TSGA10: variants seen among roughly 807,000 people sequenced by gnomAD.
TSGA10 encodes testis-specific gene 10 protein.
TSGA10 carries 43 observed loss-of-function variants against 96.6 expected under a neutral mutation model. That is an observed-to-expected ratio of 0.44 (90% confidence interval 0.35 to 0.57). The LOEUF is 0.57. Among genes scored for constraint, TSGA10 ranks in the 20% least tolerant of loss-of-function variants. TSGA10 has a pLI of 0.01. For missense variants in TSGA10, 703 were observed against 834.4 expected, an observed-to-expected ratio of 0.84 and a Z score of 1.94; for synonymous variants, 229 against 269.9, an observed-to-expected ratio of 0.85 and a Z score of 1.48.
At chr2:99,074,201 A>G (rs2104535927) in intron 12 of TSGA10, among the ~76,000 whole-genome samples, 1 of 151,552 alleles carries the variant, frequency 6.6e-6, no homozygotes, top group South Asian at 2.1e-4. Context: ...CTTAGTAGAG[A>G]CGGGGTTTCA....
chr2:99,020,548 G>A (rs2079904502), intron 17 of TSGA10, 66 bp from the exon 18 acceptor site: 3 of 1,233,986 alleles, frequency 2.4e-6, no homozygotes, highest in Non-Finnish European at 3.4e-6. Context: ...ATATTATCAG[G>A]GACTCACAAA....
intron 2 of TSGA10, among the ~76,000 whole-genome samples, chr2:99,123,147 T>C (rs2092664769): frequency 6.6e-6 from 1 of 152,218 alleles, no homozygotes; most frequent in Admixed American, 6.5e-5. Context: ...GGTGTTCTTC[T>C]ATAGATAATG....
intron 14 of TSGA10, among the ~76,000 whole-genome samples, chr2:99,070,495 TA>T (rs1030235534): frequency 6.6e-6 from 1 of 152,054 alleles, no homozygotes; most frequent in Non-Finnish European, 1.5e-5. Context: ...GTATAGCAAT[TA>T]AAAAAATATG....
At chr2:98,998,509 G>T (rs531626267) in intron 20 of TSGA10, among the ~76,000 whole-genome samples, 8 of 152,198 alleles carry the variant, frequency 5.3e-5, no homozygotes, top group African/African-American at 1.4e-4. Flanking sequence ...ATCTGAAAAG[G>T]TTATCTCAAA....
At chr2:99,015,457 C>A (rs1347965276) in intron 20 of TSGA10, among the ~76,000 whole-genome samples, 2 of 152,046 alleles carry the variant, frequency 1.3e-5, no homozygotes, top group African/African-American at 4.8e-5. Flanking sequence ...ATGGTTAAAA[C>A]CCTCAGCAAA....
chr2:99,033,764 C>T (rs1017596736), intron 17 of TSGA10, among the ~76,000 whole-genome samples: 4 of 151,486 alleles, frequency 2.6e-5, no homozygotes, highest in Non-Finnish European at 4.4e-5. Flanking sequence ...TGTTTGAACC[C>T]GGGAGGCGGA....
chr2:99,106,994 T>C (rs943690054), intron 7 of TSGA10, among the ~76,000 whole-genome samples: 1 of 152,192 alleles, frequency 6.6e-6, no homozygotes. Flanking sequence ...CCACATTTCT[T>C]ACAGTCTGAT....
chr2:99,043,448 A>G (rs2082409927), intron 16 of TSGA10, among the ~76,000 whole-genome samples: 3 of 152,302 alleles, frequency 2.0e-5, no homozygotes, highest in Admixed American at 2.0e-4. Flanking sequence ...AGGAGAGGAT[A>G]TAGAAAGGAC....
At chr2:99,069,799 T>C (rs932176425) in intron 14 of TSGA10, among the ~76,000 whole-genome samples, 3 of 152,110 alleles carry the variant, frequency 2.0e-5, no homozygotes, top group African/African-American at 7.2e-5. Flanking sequence ...CAGTAAATAA[T>C]AGTATATCTA....
intron 2 of TSGA10, chr2:99,125,460 A>G (rs1209716900): frequency 6.6e-6 from 1 of 152,164 alleles, no homozygotes. Context: ...CAGCATGTTC[A>G]TAATTGCTTG....
At chr2:99,147,317 T>C in intron 1 of TSGA10, 1 of 744,516 alleles carries the variant, frequency 1.3e-6, no homozygotes. Context: ...CCTATCTTAA[T>C]ATCTAGTAAA....
chr2:99,031,750 C>T (rs935235237), intron 17 of TSGA10, among the ~76,000 whole-genome samples: 3 of 152,190 alleles, frequency 2.0e-5, no homozygotes, highest in African/African-American at 4.8e-5. Context: ...CCCCATTACT[C>T]GCATTACTGT....
intron 1 of TSGA10, among the ~76,000 whole-genome samples, chr2:99,145,708 CA>C (rs1204993071): frequency 6.6e-6 from 1 of 152,170 alleles, no homozygotes; most frequent in Non-Finnish European, 1.5e-5. Flanking sequence ...GGGATTAGGA[CA>C]AAGACATCTT....
chr2:99,053,378 C>T (rs1198988199), intron 16 of TSGA10, among the ~76,000 whole-genome samples: 1 of 148,774 alleles, frequency 6.7e-6, no homozygotes, highest in Non-Finnish European at 1.5e-5. Context: ...TACTAGCAAA[C>T]AAAATTGGAT....
At chr2:99,066,349 G>A (rs1406234908) in intron 15 of TSGA10, among the ~76,000 whole-genome samples, 1 of 152,268 alleles carries the variant, frequency 6.6e-6, no homozygotes, top group East Asian at 1.9e-4. Context: ...AATCATAGTT[G>A]TGTACAGAGT....
At chr2:99,139,489 CAGTT>C (rs915198080) in intron 1 of TSGA10, among the ~76,000 whole-genome samples, 2 of 152,254 alleles carry the variant, frequency 1.3e-5, no homozygotes, top group African/African-American at 4.8e-5. Context: ...AAGCTTACTA[CAGTT>C]GAGGTGGGTT....
intron 20 of TSGA10, among the ~76,000 whole-genome samples, chr2:99,006,324 A>T (rs2078468249): frequency 6.6e-6 from 1 of 152,218 alleles, no homozygotes; most frequent in Non-Finnish European, 1.5e-5. Context: ...GCTTCTGCAC[A>T]GCAAAAGAAA....
chr2:99,042,825 T>A (rs1453456450), intron 16 of TSGA10, among the ~76,000 whole-genome samples: 2 of 151,890 alleles, frequency 1.3e-5, no homozygotes, highest in East Asian at 3.9e-4. Flanking sequence ...TGCCTCAGCC[T>A]CTCAAGTAGC....
At chr2:99,047,856 A>C (rs2082957741) in intron 16 of TSGA10, among the ~76,000 whole-genome samples, 1 of 152,226 alleles carries the variant, frequency 6.6e-6, no homozygotes, top group South Asian at 2.1e-4. Flanking sequence ...TTAAGCTGAT[A>C]AGCAACTTCA....
Sources: allele counts gnomAD v4.1 joint callset (sites outside exome capture counted in the v4.1 genomes callset), GRCh38; gene constraint gnomAD v4.1.1; transcripts MANE v1.5; gene names NCBI Gene and HGNC (gene_info 2026-07-23, HGNC 2026-07-21).